ZC3H11A: variants seen among roughly 807,000 people sequenced by gnomAD.
The protein encoded by ZC3H11A is zinc finger CCCH domain-containing protein 11A.
A neutral mutation model predicts 90.8 loss-of-function variants in ZC3H11A; 22 were observed. That is an observed-to-expected ratio of 0.24 (90% CI 0.17 to 0.35). The LOEUF is 0.35. Among genes scored for constraint, ZC3H11A ranks in the 10% least tolerant of loss-of-function variants. The probability of loss-of-function intolerance (pLI) is 1.00; values close to 1 mark genes in which losing one functional copy is unlikely to be tolerated. For synonymous variants in ZC3H11A, 294 were observed against 339.8 expected, an observed-to-expected ratio of 0.87 and a Z score of 1.48; for missense variants, 701 against 964.9, an observed-to-expected ratio of 0.73 and a Z score of 3.62.
At chr1:203,805,851 A>G (rs1050776663) in intron 2 of ZC3H11A, 5 of 898,650 alleles carry the variant, frequency 5.6e-6, no homozygotes, top group Non-Finnish European at 9.1e-6. Context: ...TTTCATTTGC[A>G]TCTTCCATCA....
At position 203,853,574 on chromosome 1, in the gene ZC3H11A, G is replaced by C. The variant is rs1233447731; in HGVS notation, c.*1175G>C. On this transcript the variant is annotated 3_prime_UTR_variant, in exon 18 of 18. Transcript: ENST00000367210. ...TGTATATAATCAGGAGGAAGAGGAAGGAAGGACTTACCCATTTTGATATTT... is the reference window on the plus strand; with the variant it reads ...TGTATATAATCAGGAGGAAGAGGAACGAAGGACTTACCCATTTTGATATTT... The C allele has an allele frequency of 6.6e-6, 1 of 152,642 alleles. No individual in the cohort carries two copies. Among genetic ancestry groups the C allele is most frequent in the Non-Finnish European group, 1.5e-5 (1 of 68,040 alleles). The allele number at this position is 152,642 out of a possible 1,614,324, so 9.5% of individuals were successfully genotyped here. A position where few individuals can be genotyped will look rare whatever the true frequency, so the allele number is the denominator to read the frequency against.
At chr1:203,797,607 G>A in intron 1 of ZC3H11A, 1 of 1,535,420 alleles carries the variant, frequency 6.5e-7, no homozygotes. Context: ...TGGGATTCTG[G>A]GATGTGTTCC....
chr1:203,828,252 A>G, intron 4 of ZC3H11A, 47 bp from the exon 5 acceptor site: 1 of 1,610,820 alleles, frequency 6.2e-7, no homozygotes, highest in African/African-American at 1.3e-5. Context: ...ACATGAATAT[A>G]CGTATCACTG....
chr1:203,814,169 T>A (rs1342904780), intron 2 of ZC3H11A, among the ~76,000 whole-genome samples: 1 of 152,186 alleles, frequency 6.6e-6, no homozygotes, highest in Non-Finnish European at 1.5e-5. Flanking sequence ...AGTTCATTGC[T>A]TCCAGGTTCT....
At chr1:203,796,034 A>G (rs1016188283) in intron 1 of ZC3H11A, 3 of 21,446 alleles carry the variant, frequency 1.4e-4, no homozygotes, top group South Asian at 1.5e-3. Flanking sequence ...CCCCACCCCC[A>G]CCCCGTTCAC....
Position 203,852,148 on chromosome 1 carries a change from C to T in ZC3H11A, c.2182C>T (p.Leu728=), listed in dbSNP as rs757095233. Residue 728 remains leucine, a synonymous_variant, in exon 18 of 18, where the codon CTG becomes TTG. Coordinates refer to ENST00000367210, the MANE Select transcript of ZC3H11A (RefSeq NM_001376342.1). ...EAENPRDSLV[L]PPTQSSSDSS... ...ATCTTTTTTTTCTTACAGTCTTGTGCTGCCTCCAACCCAGTCCTCTTCAGA... is the reference window on the plus strand; with the variant it reads ...ATCTTTTTTTTCTTACAGTCTTGTGTTGCCTCCAACCCAGTCCTCTTCAGA... The T allele has an allele frequency of 1.2e-6, 2 of 1,613,378 alleles. No individual in the cohort carries two copies. The highest frequency in any genetic ancestry group is 1.3e-5 in the African/African-American group (1 of 74,828).
chr1:203,803,492 A>G (rs1671155973), intron 2 of ZC3H11A, among the ~76,000 whole-genome samples: 1 of 152,170 alleles, frequency 6.6e-6, no homozygotes, highest in African/African-American at 2.4e-5. Flanking sequence ...CCTCTGGCCC[A>G]TAGTTTTTCT....
chr1:203,847,150 AGTAT>A (rs1272145404), intron 12 of ZC3H11A, 30 bp from the exon 13 acceptor site: 4 of 1,607,042 alleles, frequency 2.5e-6, no homozygotes. Context: ...ATGAACTTCA[AGTAT>A]AATGACATGT....
At chr1:203,822,748 G>A (rs1452475854) in intron 4 of ZC3H11A, among the ~76,000 whole-genome samples, 4 of 152,164 alleles carry the variant, frequency 2.6e-5, no homozygotes, top group South Asian at 4.2e-4. Context: ...CCAACCCTCC[G>A]TGGGTTCCAA....
At chr1:203,835,198 C>T (rs1683891190) in intron 10 of ZC3H11A, among the ~76,000 whole-genome samples, 1 of 152,050 alleles carries the variant, frequency 6.6e-6, no homozygotes, top group South Asian at 2.1e-4. Context: ...GAGATAATGC[C>T]CATGAATGAA....
intron 4 of ZC3H11A, among the ~76,000 whole-genome samples, chr1:203,827,656 T>A (rs532282259): frequency 1.2e-4 from 18 of 149,754 alleles, no homozygotes; most frequent in Middle Eastern, 3.5e-3. Context: ...CACTCCAGCC[T>A]GGGTGACAGA....
Position 203,797,810 on chromosome 1 carries a change from A to T in ZC3H11A, c.-1588+2016A>T, listed in dbSNP as rs548235524. On this transcript the variant is annotated intron_variant, in intron 1 of 17. Coordinates refer to ENST00000367210, the MANE Select transcript of ZC3H11A (RefSeq NM_001376342.1). ...ATTTGGGATCTGGGAGGCCTGTTGC[A>T]GATGCCCCTGCTTTGTTAGCTTCCA... is the stretch of plus-strand genomic sequence containing the variant. 2.8e-5 allele frequency: 43 copies of T among 1,536,108 alleles called. 1 individual carries two copies. Among genetic ancestry groups the T allele is most frequent in the Middle Eastern group, 1.7e-4 (1 of 5,990 alleles).
intron 2 of ZC3H11A, among the ~76,000 whole-genome samples, chr1:203,809,988 G>A (rs751389904): frequency 1.3e-5 from 2 of 151,958 alleles, no homozygotes; most frequent in Non-Finnish European, 2.9e-5. Context: ...AAGTAACTGG[G>A]TTTTTCTTGG....
In ZC3H11A at chr1:203,851,135, G is replaced by A; in HGVS notation, c.2174+11G>A. 6.2e-7 allele frequency: 1 copy of A among 1,613,578 alleles called. No individual in the cohort carries two copies. The highest frequency in any genetic ancestry group is 1.1e-5 in the South Asian group (1 of 90,982). ...AAATCCTAGAGACAGGTAATACTTT[G>A]TAATTCTTTCTAAACAAACTCCAGG... On this transcript the variant is annotated intron_variant, in intron 17 of 17. Coordinates refer to ENST00000367210, the MANE Select transcript of ZC3H11A (RefSeq NM_001376342.1).
At chr1:203,852,081 G>C (rs1273106870) in intron 17 of ZC3H11A, 60 bp from the exon 18 acceptor site, 3 of 1,604,466 alleles carry the variant, frequency 1.9e-6, no homozygotes, top group Non-Finnish European at 2.6e-6. Flanking sequence ...CGTGAGACTA[G>C]GTGATTCAGC....
rs1169537860 is a variant in ZC3H11A at position 203,847,518 on chromosome 1, T to A, written c.1377T>A (p.Pro459=). The A allele has an allele frequency of 7.4e-6, 12 of 1,613,806 alleles. No individual in the cohort carries two copies. The African/African-American group carries it at 1.2e-4, about 16-fold the overall frequency. Residue 459 remains proline, a synonymous_variant, in exon 13 of 18, where the codon CCT becomes CCA. Transcript: ENST00000367210. ...CCAGCAGAGGACAATCAGAGGAGCC[T>A]GCAGGTAAAACAAAGTCTATGCAGG... The part of the protein sequence containing the change: ...IVASRGQSEE[P]AGKTKSMQEV...
chr1:203,842,205 G>A (rs12131308), intron 12 of ZC3H11A, among the ~76,000 whole-genome samples: 72,934 of 151,544 alleles, frequency 0.48, 18,049 homozygotes, highest in Non-Finnish European at 0.52. Flanking sequence ...GGTGGCGGCC[G>A]GGCAGAGGCT....
intron 1 of ZC3H11A, chr1:203,800,383 A>T (rs1324672687): frequency 1.1e-5 from 11 of 1,015,960 alleles, no homozygotes; most frequent in Non-Finnish European, 1.3e-5. Flanking sequence ...GTTAACTACG[A>T]TTATTCTACG....
chr1:203,843,535 G>T (rs746577457), intron 12 of ZC3H11A, among the ~76,000 whole-genome samples: 2 of 151,910 alleles, frequency 1.3e-5, no homozygotes, highest in African/African-American at 4.8e-5. Flanking sequence ...TCCTGTAAAG[G>T]GTCGGATATA....
Sources: gnomAD v4.1 joint callset for allele counts (sites outside exome capture counted in the v4.1 genomes callset) on GRCh38, gnomAD v4.1.1 for gene constraint, MANE v1.5 for transcripts, NCBI Gene and HGNC (gene_info 2026-07-23, HGNC 2026-07-21) for gene names.